The following IL6ST variants were observed in gnomAD, a reference collection of about 807,000 sequenced individuals.
IL6ST encodes the protein interleukin-6 receptor subunit beta.
IL6ST carries 24 observed loss-of-function variants against 91.3 expected under a neutral mutation model. That is an observed-to-expected ratio of 0.26 (90% CI 0.19 to 0.37). IL6ST has a LOEUF of 0.37. Among genes scored for constraint, IL6ST ranks in the 10% least tolerant of loss-of-function variants. IL6ST has a pLI of 1.00. For missense variants in IL6ST, 914 were observed against 1,078.5 expected (o/e 0.85, Z 2.14); for synonymous variants, 351 against 373.6 (o/e 0.94, Z 0.70).
chr5:55,984,749 T>C (rs1414080608), intron 1 of IL6ST, among the ~76,000 whole-genome samples: 2 of 152,136 alleles, frequency 1.3e-5, no homozygotes, highest in Non-Finnish European at 2.9e-5. Flanking sequence ...GGATTTGGGA[T>C]GCTTAACTTT....
At chr5:55,988,861 A>C (rs1754145700) in intron 1 of IL6ST, among the ~76,000 whole-genome samples, 1 of 151,754 alleles carries the variant, frequency 6.6e-6, no homozygotes, top group Non-Finnish European at 1.5e-5. Flanking sequence ...CTGTAATCCC[A>C]GCACTTTGGG....
chr5:55,947,739 T>TTGA, intron 14 of IL6ST, 150 bp from the exon 15 acceptor site: 1 of 579,450 alleles, frequency 1.7e-6, no homozygotes, highest in Non-Finnish European at 3.0e-6. Flanking sequence ...CTCTTCAGAC[T>TTGA]TGATGATTTT....
At chr5:55,954,653 T>G (rs760531141) in intron 11 of IL6ST, among the ~76,000 whole-genome samples, 157 bp downstream of exon 11, 1 of 152,156 alleles carries the variant, frequency 6.6e-6, no homozygotes, top group Non-Finnish European at 1.5e-5. Context: ...TTCAGAGAGG[T>G]TAAGTATGAC....
rs77347250 is a variant in IL6ST, at chr5:55,960,574, A to C, written c.814-13T>G. ...CTTCAGGAGGAATCTGAAACAAAGC[A>C]AACCAAACAACAGAAAACCTCAATT... On this transcript the variant is annotated splice_polypyrimidine_tract_variant and intron_variant, in intron 7 of 16. Transcript: ENST00000381298. 1 of 1,602,144 alleles carries C rather than the reference A, an allele frequency of 6.2e-7. No individual in the cohort carries two copies. Among genetic ancestry groups the C allele is most frequent in the East Asian group, 2.2e-5 (1 of 44,802 alleles).
intron 8 of IL6ST, 95 bp from the exon 9 acceptor site, chr5:55,957,386 GC>G: frequency 1.6e-6 from 1 of 608,698 alleles, no homozygotes; most frequent in Non-Finnish European, 2.8e-6. Context: ...TAATACTCTT[GC>G]CCTCCAATTG....
intron 15 of IL6ST, among the ~76,000 whole-genome samples, chr5:55,947,108 G>A (rs1054062802): frequency 6.6e-6 from 1 of 152,074 alleles, no homozygotes; most frequent in African/African-American, 2.4e-5. Flanking sequence ...GAAGGCTGAG[G>A]CAGGAGTCTG....
rs1049994295 is a variant in IL6ST at position 55,938,102 on chromosome 5, T to C, written c.*2980A>G. ...TTAAATATGAGCTTTAATGAATGTT[T>C]TGTAACATTTTAAAGTTGTAACATT... On this transcript the variant is annotated 3_prime_UTR_variant, in exon 17 of 17. Transcript: ENST00000381298. 2.6e-5 allele frequency: 5 copies of C among 189,626 alleles called. No homozygotes were observed. In the Admixed American group the frequency reaches 3.1e-4, roughly 12 times the overall value. The allele number at this position is 189,626 out of a possible 1,614,324, so 11.7% of individuals were successfully genotyped here.
At chr5:55,963,909 T>A (rs548059560) in intron 6 of IL6ST, among the ~76,000 whole-genome samples, 2 of 152,176 alleles carry the variant, frequency 1.3e-5, no homozygotes, top group Admixed American at 1.3e-4. Flanking sequence ...CCAAATTCTA[T>A]TTGATATTAT....
At chr5:55,982,854 A>G in intron 1 of IL6ST, 43 bp from the exon 2 acceptor site, 1 of 397,914 alleles carries the variant, frequency 2.5e-6, no homozygotes, top group Non-Finnish European at 4.4e-6. Flanking sequence ...TGGCTTTGAT[A>G]ATTTTATTAT....
Position 55,940,274 on chromosome 5 carries a change from A to G in IL6ST, c.*808T>C, listed in dbSNP as rs1347519277. The G allele has an allele frequency of 1.4e-5, 3 of 212,484 alleles. No homozygotes were observed. Among genetic ancestry groups the G allele is most frequent in the African/African-American group, 6.8e-5 (3 of 44,256 alleles). 13.2% of individuals were successfully genotyped at this position (212,484 alleles called of 1,614,324 possible). A position where few individuals can be genotyped will look rare whatever the true frequency, so the allele number is the denominator to read the frequency against. The stretch of plus-strand genomic sequence containing the variant: ...ACTACTACAATTTAAGCCTTTAAAA[A>G]TGGCAATTTTTTAGATGCTTGAGAT... On this transcript the variant is annotated 3_prime_UTR_variant, in exon 17 of 17. Coordinates refer to ENST00000381298, the MANE Select transcript of IL6ST (RefSeq NM_002184.4).
At position 55,957,233 on chromosome 5, in the gene IL6ST, G is replaced by A. The variant is rs1475694375; in HGVS notation, c.1032C>T (p.Tyr344=). 1.3e-6 allele frequency: 2 copies of A among 1,556,732 alleles called. No homozygotes were observed. The highest frequency in any genetic ancestry group is 1.7e-6 in the Non-Finnish European group (2 of 1,143,490). ...YKIDPSHTQG[Y]RTVQLVWKTL... The stretch of plus-strand genomic sequence containing the variant: ...CCTTCCACACGAGTTGTACAGTTCT[G>A]TAGCCTTGAGTATGGGATGGATCTA... Residue 344 remains tyrosine, a synonymous_variant, in exon 9 of 17, where the codon TAC becomes TAT. Transcript: ENST00000381298.
chr5:55,967,935 A>G (rs1481694020), intron 5 of IL6ST, among the ~76,000 whole-genome samples: 4 of 151,994 alleles, frequency 2.6e-5, no homozygotes, highest in African/African-American at 9.7e-5. Context: ...CACTGGGATT[A>G]CAGGCACCCG....
At chr5:55,971,528 G>A (rs760561305) in intron 3 of IL6ST, among the ~76,000 whole-genome samples, 1 of 152,144 alleles carries the variant, frequency 6.6e-6, no homozygotes, top group African/African-American at 2.4e-5. Flanking sequence ...TAGCTTCAAT[G>A]TCCACAATTT....
chr5:55,956,046 T>C lies in IL6ST; in HGVS notation c.1246A>G (p.Ile416Val), dbSNP rs61755737. ...AAACCTTGAAAGTCACAGGCAGGGATAGTTAAAACAGCTGCATCTGATTTG... is the reference window on the plus strand; with the variant it reads ...AAACCTTGAAAGTCACAGGCAGGGACAGTTAAAACAGCTGCATCTGATTTG... ...VGKSDAAVLT[I>V]PACDFQATHP... The change falls in exon 10 of 17, where the codon ATC becomes GTC. Residue 416 changes from isoleucine to valine, a missense_variant. By Grantham distance (29) the Ile-to-Val change is conservative. Coordinates refer to ENST00000381298, the MANE Select transcript of IL6ST (RefSeq NM_002184.4). The C allele has an allele frequency of 8.7e-6, 14 of 1,612,684 alleles. No homozygotes were observed. Among genetic ancestry groups the C allele is most frequent in the Admixed American group, 3.3e-5 (2 of 60,004 alleles).
At chr5:55,976,410 A>T (rs1357478345) in intron 2 of IL6ST, 117 bp from the exon 3 acceptor site, 1 of 475,008 alleles carries the variant, frequency 2.1e-6, no homozygotes, top group African/African-American at 2.0e-5. Flanking sequence ...TAAAATTCTT[A>T]TGAGAATGTA....
At chr5:55,971,326 T>C (rs1034108232) in intron 3 of IL6ST, among the ~76,000 whole-genome samples, 20 of 152,166 alleles carry the variant, frequency 1.3e-4, no homozygotes, top group African/African-American at 4.6e-4. Flanking sequence ...CAACATCTTC[T>C]TTCCAATGCT....
intron 9 of IL6ST, among the ~76,000 whole-genome samples, chr5:55,956,463 T>C (rs1035393495): frequency 3.3e-5 from 5 of 152,222 alleles, no homozygotes; most frequent in African/African-American, 1.2e-4. Flanking sequence ...ATCATTCCGT[T>C]AGCTTTTGGT....
Position 55,952,050 on chromosome 5 carries a change from C to T in IL6ST, c.1578G>A (p.Arg526=). 6.2e-7 allele frequency: 1 copy of T among 1,613,430 alleles called. No homozygotes were observed. ...QAPPSKGPTV[R]TKKVGKNEAV... ...CTTCGTTTTTCCCTACTTTTTTTGT[C>T]CGAACAGTAGGTCCTTTGGAAGGTG... is the stretch of plus-strand genomic sequence containing the variant. The change falls in exon 13 of 17, where the codon CGG becomes CGA. Residue 526 remains arginine (R), a synonymous_variant. Transcript: ENST00000381298.
chr5:55,990,120 G>A (rs1020888171), intron 1 of IL6ST, among the ~76,000 whole-genome samples: 3 of 152,158 alleles, frequency 2.0e-5, no homozygotes, highest in African/African-American at 4.8e-5. Context: ...TTACAGTGCT[G>A]AAAGGAATGA....
Sources: allele counts gnomAD v4.1 joint callset (sites outside exome capture counted in the v4.1 genomes callset), GRCh38; gene constraint gnomAD v4.1.1; transcripts MANE v1.5; gene names NCBI Gene and HGNC (gene_info 2026-07-23, HGNC 2026-07-21).